Variants in PTPRD observed in about 807,000 individuals in gnomAD.
The protein encoded by PTPRD is protein tyrosine phosphatase receptor type D, also known as receptor-type tyrosine-protein phosphatase delta.
In PTPRD, 34 loss-of-function variants were observed where a neutral mutation model predicts 214.5. The ratio of observed to expected loss-of-function variants is 0.16; its 90% CI spans 0.12 to 0.21. The LOEUF (loss-of-function observed/expected upper bound fraction) is 0.21, where lower values mean the gene tolerates loss of function less well. PTPRD is among the 10% of genes least tolerant of loss of function. The pLI is 1.00. For missense variants in PTPRD, 2,545 were observed against 2,398.7 expected, an observed-to-expected ratio of 1.06 and a Z score of -1.27; for synonymous variants, 1,128 against 845.7, an observed-to-expected ratio of 1.33 and a Z score of -5.79.
rs183024725 is a variant in PTPRD at position 9,068,505 on chromosome 9, A to T, written c.-142-49770T>A. ...TTTCTTTTAGTTTCTGACATTCACT[A>T]TCATCTAGTATTTTAATAACTGCTT... On this transcript the variant is annotated intron_variant, in intron 10 of 45. Transcript: ENST00000381196. Among the ~76,000 whole-genome samples, 5 of 152,184 alleles carry T rather than the reference A, an allele frequency of 3.3e-5. No homozygotes were observed. In the East Asian group the frequency reaches 9.7e-4, roughly 29 times the overall value.
At chr9:8,554,070 C>A (rs953061261) in intron 14 of PTPRD, among the ~76,000 whole-genome samples, 6 of 152,110 alleles carry the variant, frequency 3.9e-5, no homozygotes, top group African/African-American at 1.4e-4. Context: ...CGCCTGTAAT[C>A]CCAGCTACTT....
chr9:9,669,833 T>G (rs1346564390), intron 7 of PTPRD, among the ~76,000 whole-genome samples: 1 of 152,100 alleles, frequency 6.6e-6, no homozygotes, highest in African/African-American at 2.4e-5. Context: ...TATCAGCAAA[T>G]TTAGATAGTG....
chr9:8,669,161 C>A (rs2097227237), intron 12 of PTPRD, among the ~76,000 whole-genome samples: 1 of 152,104 alleles, frequency 6.6e-6, no homozygotes, highest in Admixed American at 6.6e-5. Context: ...CAGACAGTGG[C>A]CTCTTATTCC....
intron 9 of PTPRD, among the ~76,000 whole-genome samples, chr9:9,386,761 A>G (rs10816111): frequency 0.24 from 35,942 of 151,984 alleles, 4,321 homozygotes; most frequent in Middle Eastern, 0.38. Flanking sequence ...GGATGGGGAA[A>G]AAAAGATAAT....
intron 3 of PTPRD, among the ~76,000 whole-genome samples, chr9:10,112,897 AT>A (rs1435017044): frequency 1.3e-5 from 2 of 152,202 alleles, no homozygotes; most frequent in African/African-American, 4.8e-5. Flanking sequence ...GTTCTCTGGT[AT>A]TTTAGAGCTT....
chr9:9,676,796 T>C (rs1384436343), intron 7 of PTPRD, among the ~76,000 whole-genome samples: 1 of 152,162 alleles, frequency 6.6e-6, no homozygotes, highest in African/African-American at 2.4e-5. Context: ...TGTTGTTTCC[T>C]GACTTTTTAA....
At chr9:8,798,698 C>T (rs1022507666) in intron 11 of PTPRD, among the ~76,000 whole-genome samples, 1 of 152,188 alleles carries the variant, frequency 6.6e-6, no homozygotes. Context: ...GCAGTTCATA[C>T]AAGAAAGCTG....
intron 2 of PTPRD, among the ~76,000 whole-genome samples, chr9:10,473,533 T>C (rs1438956654): frequency 6.6e-6 from 1 of 152,124 alleles, no homozygotes; most frequent in African/African-American, 2.4e-5. Flanking sequence ...AGTGTGTATG[T>C]GTACACATAT....
intron 11 of PTPRD, among the ~76,000 whole-genome samples, chr9:8,784,529 C>G (rs1269858723): frequency 6.6e-6 from 1 of 152,192 alleles, no homozygotes; most frequent in Admixed American, 6.6e-5. Context: ...CATAAAGAAG[C>G]AAAATCCTTT....
intron 9 of PTPRD, among the ~76,000 whole-genome samples, chr9:9,205,731 C>T (rs2099944453): frequency 6.6e-6 from 1 of 152,082 alleles, no homozygotes; most frequent in Admixed American, 6.6e-5. Context: ...TCTATTTATC[C>T]ATTCTTTTAC....
In PTPRD at chr9:8,507,313, C is replaced by G; in HGVS notation, c.1665G>C (p.Glu555Asp). Residue 555 changes from glutamate (E) to aspartate (D), a missense_variant, in exon 22 of 46, where the codon GAG (glutamate) becomes GAC (aspartate). Glu to Asp is a conservative substitution (Grantham distance 45). Transcript: ENST00000381196. ...ANYELVYKDG[E>D]HGEEQRITIE... ...ACTATAGTCTTACCTCCTCTCCATGCTCCCCATCTTTGTAGACCAGTTCAT... is the reference window on the plus strand; with the variant it reads ...ACTATAGTCTTACCTCCTCTCCATGGTCCCCATCTTTGTAGACCAGTTCAT... The G allele has an allele frequency of 6.2e-7, 1 of 1,613,870 alleles. No homozygotes were observed. The highest frequency in any genetic ancestry group is 8.5e-7 in the Non-Finnish European group (1 of 1,179,796).
chr9:9,897,245 T>C (rs974772559), intron 5 of PTPRD, among the ~76,000 whole-genome samples: 8 of 152,016 alleles, frequency 5.3e-5, no homozygotes, highest in Non-Finnish European at 1.0e-4. Flanking sequence ...GAGGCAGAGG[T>C]ATGAGTTTTC....
At chr9:8,557,662 G>T (rs1451106014) in intron 14 of PTPRD, among the ~76,000 whole-genome samples, 18 of 145,618 alleles carry the variant, frequency 1.2e-4, no homozygotes, top group African/African-American at 3.8e-4. Context: ...GGAATCGCTT[G>T]AACATGGGAA....
Position 9,756,202 on chromosome 9 carries a change from A to T in PTPRD, c.-326+10608T>A, listed in dbSNP as rs138321327. On this transcript the variant is annotated intron_variant, in intron 6 of 45. Transcript: ENST00000381196. ...AACGACAGAGATGAACATAAATTCTAACTCTGAGTCTTCTGGAGCACCAGA... is the reference window on the plus strand; with the variant it reads ...AACGACAGAGATGAACATAAATTCTTACTCTGAGTCTTCTGGAGCACCAGA... Among the ~76,000 whole-genome samples, 805 of 152,198 alleles carry T rather than the reference A, an allele frequency of 5.3e-3. 5 individuals carry two copies. The highest frequency in any genetic ancestry group is 0.017 in the Middle Eastern group (5 of 294).
At chr9:9,019,321 A>G (rs398677) in intron 10 of PTPRD, among the ~76,000 whole-genome samples, 3,540 of 87,622 alleles carry the variant, frequency 0.04, 141 homozygotes, top group African/African-American at 0.14. Context: ...AGAAAGAAAG[A>G]AAGAAAGAAA....
chr9:9,963,903 T>G (rs1422587470), intron 4 of PTPRD, among the ~76,000 whole-genome samples: 1 of 152,200 alleles, frequency 6.6e-6, no homozygotes, highest in Non-Finnish European at 1.5e-5. Context: ...AAGTTCTTAT[T>G]TACAAATGAT....
chr9:10,347,070 A>G (rs1176349987), intron 2 of PTPRD, among the ~76,000 whole-genome samples: 3 of 151,958 alleles, frequency 2.0e-5, no homozygotes, highest in Non-Finnish European at 2.9e-5. Flanking sequence ...ACTATAAGGC[A>G]CACCTCCCCT....
intron 8 of PTPRD, among the ~76,000 whole-genome samples, chr9:9,432,885 A>T (rs572831982): frequency 6.6e-6 from 1 of 152,330 alleles, no homozygotes; most frequent in East Asian, 1.9e-4. Flanking sequence ...TTTTAGAGGG[A>T]TCAGGAAATC....
At chr9:8,973,242 A>G (rs1223004636) in intron 11 of PTPRD, among the ~76,000 whole-genome samples, 1 of 151,810 alleles carries the variant, frequency 6.6e-6, no homozygotes, top group Non-Finnish European at 1.5e-5. Context: ...ATCAACTGCC[A>G]AGTCTATTTT....
Sources: allele counts gnomAD v4.1 joint callset (sites outside exome capture counted in the v4.1 genomes callset), GRCh38; gene constraint gnomAD v4.1.1; transcripts MANE v1.5; gene names NCBI Gene and HGNC (gene_info 2026-07-23, HGNC 2026-07-21).